Variants in CYP7B1 observed in about 807,000 individuals in gnomAD.
CYP7B1 encodes the protein cytochrome P450 7B1.
Under a neutral mutation model 42.7 loss-of-function variants are expected in CYP7B1, and 29 were observed. The ratio of observed to expected loss-of-function variants is 0.68; its 90% CI spans 0.51 to 0.93. The LOEUF (loss-of-function observed/expected upper bound fraction) is 0.93. Ranked by LOEUF, CYP7B1 falls within the 40% of genes least tolerant of loss-of-function variation. The pLI is 0.00. For synonymous variants in CYP7B1, 235 were observed against 218.2 expected, an observed-to-expected ratio of 1.08 and a Z score of -0.68; for missense variants, 655 against 600.5, an observed-to-expected ratio of 1.09 and a Z score of -0.95.
chr8:64,779,829 C>A (rs1440632447), intron 1 of CYP7B1, among the ~76,000 whole-genome samples: 2 of 152,144 alleles, frequency 1.3e-5, no homozygotes, highest in East Asian at 3.8e-4. Flanking sequence ...ACAGGCGCAG[C>A]CCTTTCACAA....
chr8:64,758,444 T>C (rs761967841), intron 1 of CYP7B1, among the ~76,000 whole-genome samples: 1 of 152,204 alleles, frequency 6.6e-6, no homozygotes, highest in East Asian at 1.9e-4. Flanking sequence ...CTTTGAAACA[T>C]CTCTCCTAAC....
At chr8:64,771,238 T>A (rs527428582) in intron 1 of CYP7B1, among the ~76,000 whole-genome samples, 1 of 151,408 alleles carries the variant, frequency 6.6e-6, no homozygotes, top group Non-Finnish European at 1.5e-5. Context: ...TCTTTTGTAT[T>A]TTTAGTAGAG....
intron 1 of CYP7B1, among the ~76,000 whole-genome samples, chr8:64,745,033 G>T (rs1036244802): frequency 6.6e-6 from 1 of 152,078 alleles, no homozygotes; most frequent in East Asian, 1.9e-4. Flanking sequence ...GGAGAGATTC[G>T]TTAATTGCTT....
In CYP7B1 at chr8:64,616,270, T is replaced by C. The variant is rs1805446410; in HGVS notation, c.271A>G (p.Thr91Ala). 2.5e-6 allele frequency: 4 copies of C among 1,589,420 alleles called. No homozygotes were observed. The highest frequency in any genetic ancestry group is 3.4e-6 in the Non-Finnish European group (4 of 1,165,600). ...TACTGGAAGGGGTCCAGGATAAATG[T>C]TATGTACTTTCCTAGAAAAAAAAAA... is the stretch of plus-strand genomic sequence containing the variant. ...FTVLLGGKYI[T>A]FILDPFQYQL... Residue 91 changes from threonine to alanine, a missense_variant, in exon 3 of 6, where the codon ACA becomes GCA. Transcript: ENST00000310193.
At chr8:64,624,285 C>T in intron 2 of CYP7B1, 118 bp downstream of exon 2, 3 of 1,021,954 alleles carry the variant, frequency 2.9e-6, no homozygotes, top group South Asian at 3.2e-5. Context: ...ATTAGCTCTA[C>T]AAAATAAAAT....
intron 1 of CYP7B1, among the ~76,000 whole-genome samples, chr8:64,649,019 C>A (rs1374813157): frequency 6.6e-6 from 1 of 152,160 alleles, no homozygotes; most frequent in Non-Finnish European, 1.5e-5. Flanking sequence ...TCATCTCAAC[C>A]ATTTTAAGTG....
chr8:64,639,484 T>C (rs1805822461), intron 1 of CYP7B1, among the ~76,000 whole-genome samples: 1 of 151,994 alleles, frequency 6.6e-6, no homozygotes. Context: ...ACCAAAAAGA[T>C]AGACATAGGC....
chr8:64,762,485 G>T (rs572908799), intron 1 of CYP7B1, among the ~76,000 whole-genome samples: 2 of 152,076 alleles, frequency 1.3e-5, no homozygotes, highest in Admixed American at 1.3e-4. Context: ...ATCAATACTT[G>T]GGTTGAATCA....
intron 1 of CYP7B1, among the ~76,000 whole-genome samples, chr8:64,735,153 AT>A (rs1807468106): frequency 6.6e-6 from 1 of 152,146 alleles, no homozygotes; most frequent in African/African-American, 2.4e-5. Context: ...TAAAAACTGC[AT>A]GTTCCCTCAA....
downstream of CYP7B1, among the ~76,000 whole-genome samples, chr8:64,588,483 G>A (rs530921735): frequency 1.6e-4 from 25 of 152,272 alleles, no homozygotes; most frequent in South Asian, 5.2e-3. Flanking sequence ...CAAATCTCCT[G>A]TTAACAGAGG....
At chr8:64,700,219 A>C (rs1272562243) in intron 1 of CYP7B1, among the ~76,000 whole-genome samples, 1 of 152,130 alleles carries the variant, frequency 6.6e-6, no homozygotes, top group East Asian at 1.9e-4. Flanking sequence ...AACCGGCCCT[A>C]ACACAGCAAC....
At chr8:64,768,589 G>A (rs1804152265) in intron 1 of CYP7B1, among the ~76,000 whole-genome samples, 1 of 152,120 alleles carries the variant, frequency 6.6e-6, no homozygotes, top group African/African-American at 2.4e-5. Flanking sequence ...TTCACTTAGA[G>A]CTCTCTGTGC....
At chr8:64,606,260 C>G (rs1256385948) in intron 4 of CYP7B1, among the ~76,000 whole-genome samples, 1 of 152,190 alleles carries the variant, frequency 6.6e-6, no homozygotes, top group Non-Finnish European at 1.5e-5. Context: ...ATGGGCTCTA[C>G]TGCAGATAGC....
chr8:64,783,860 G>C (rs1317805329), intron 1 of CYP7B1, among the ~76,000 whole-genome samples: 1 of 152,108 alleles, frequency 6.6e-6, no homozygotes, highest in African/African-American at 2.4e-5. Flanking sequence ...GAAAGTTTTA[G>C]ACCAATTTTA....
At chr8:64,613,714 T>A (rs765961520) in intron 4 of CYP7B1, among the ~76,000 whole-genome samples, 2 of 152,078 alleles carry the variant, frequency 1.3e-5, no homozygotes, top group South Asian at 4.1e-4. Flanking sequence ...TAAAAGAAAA[T>A]ATAAAATTTA....
chr8:64,653,257 A>G (rs2129631248), intron 1 of CYP7B1, among the ~76,000 whole-genome samples: 1 of 152,306 alleles, frequency 6.6e-6, no homozygotes, highest in East Asian at 1.9e-4. Context: ...TGCTACCTAG[A>G]CTAATAAAGA....
intron 1 of CYP7B1, among the ~76,000 whole-genome samples, chr8:64,689,853 C>T (rs980805897): frequency 1.5e-4 from 23 of 152,150 alleles, no homozygotes; most frequent in Admixed American, 1.4e-3. Context: ...CAGGCATGAG[C>T]GACCACGCCC....
chr8:64,640,058 C>A (rs145900803), intron 1 of CYP7B1, among the ~76,000 whole-genome samples: 1 of 152,120 alleles, frequency 6.6e-6, no homozygotes, highest in Admixed American at 6.6e-5. Flanking sequence ...AAACCAGACA[C>A]CTGATTCCAT....
At chr8:64,769,491 C>T (rs77340234) in intron 1 of CYP7B1, among the ~76,000 whole-genome samples, 3,020 of 152,288 alleles carry the variant, frequency 0.02, 104 homozygotes, top group African/African-American at 0.067. Context: ...TGTATCCTCC[C>T]AGGGCAGCAT....
Sources: allele counts gnomAD v4.1 joint callset (sites outside exome capture counted in the v4.1 genomes callset), GRCh38; gene constraint gnomAD v4.1.1; transcripts MANE v1.5; gene names NCBI Gene and HGNC (gene_info 2026-07-23, HGNC 2026-07-21).